MITD1: variants seen among roughly 807,000 people sequenced by gnomAD.
MITD1 encodes the protein microtubule interacting and trafficking domain containing 1.
MITD1 carries 24 observed loss-of-function variants against 34.9 expected under a neutral mutation model. That is an observed-to-expected ratio of 0.69 (90% CI 0.50 to 0.97). MITD1 has a LOEUF of 0.97. Ranked by LOEUF, MITD1 falls within the 50% of genes least tolerant of loss-of-function variation. The pLI, the probability that MITD1 is intolerant of heterozygous loss-of-function variation, is 0.00. For missense variants in MITD1, 266 were observed against 294.6 expected (o/e 0.90, Z 0.71); for synonymous variants, 102 against 101.4 (o/e 1.01, Z -0.04).
intron 5 of MITD1, 33 bp downstream of exon 5, chr2:99,170,504 T>G (rs374165760): frequency 1.3e-5 from 11 of 866,046 alleles, no homozygotes; most frequent in African/African-American, 1.7e-5. Flanking sequence ...ATATATCAAC[T>G]GCATAAAAAT....
chr2:99,167,292 G>C (rs2093831600), downstream of MITD1, among the ~76,000 whole-genome samples: 2 of 152,028 alleles, frequency 1.3e-5, no homozygotes, highest in South Asian at 4.1e-4. Flanking sequence ...TCCCATTCAG[G>C]AATACAATTT....
At chr2:99,176,649 T>G (rs2093888751) in intron 1 of MITD1, among the ~76,000 whole-genome samples, 1 of 151,370 alleles carries the variant, frequency 6.6e-6, no homozygotes, top group Admixed American at 6.6e-5. Context: ...TCTTAAAACA[T>G]TATGAGGGGT....
chr2:99,171,798 T>C (rs1157101810), intron 2 of MITD1, 152 bp from the exon 3 acceptor site: 2 of 701,362 alleles, frequency 2.9e-6, no homozygotes, highest in East Asian at 5.5e-5. Flanking sequence ...AAATATCATA[T>C]ACATTGCAGG....
At chr2:99,176,101 T>C (rs1370901500) in intron 1 of MITD1, among the ~76,000 whole-genome samples, 1 of 152,106 alleles carries the variant, frequency 6.6e-6, no homozygotes, top group South Asian at 2.1e-4. Flanking sequence ...TTACTATGCC[T>C]GGCTAGTTTT....
At chr2:99,163,694 GC>G (rs2093813514) in intron 7 of MITD1, among the ~76,000 whole-genome samples, 1 of 151,882 alleles carries the variant, frequency 6.6e-6, no homozygotes, top group African/African-American at 2.4e-5. Flanking sequence ...CTCTCTTGGG[GC>G]TATATATAAT....
Position 99,171,563 on chromosome 2 carries a change from C to T in MITD1, c.337G>A (p.Glu113Lys). 6.2e-7 allele frequency: 1 copy of T among 1,612,584 alleles called. No individual in the cohort carries two copies. Residue 113 changes from glutamate (E) to lysine (K), a missense_variant, in exon 3 of 7, where the codon GAG (glutamate) becomes AAG (lysine). By Grantham distance (56) the Glu-to-Lys change is moderately conservative (BLOSUM62 1). Transcript: ENST00000289359. ...TCTATCCAAACTTCTGTAACTGTCT[C>T]ATTAAGGTATTCGCGAAAAAGTGAC... ...YESLFREYLN[E>K]TVTEVWIEDP...
downstream of MITD1, among the ~76,000 whole-genome samples, chr2:99,166,673 A>G (rs1259662818): frequency 1.3e-5 from 2 of 151,608 alleles, no homozygotes; most frequent in African/African-American, 4.8e-5. Context: ...GTCACTGCTA[A>G]AAATCTGGCC....
In MITD1 at chr2:99,180,300, C is replaced by T. The variant is rs771780403; in HGVS notation, c.151+531G>A. Among the ~76,000 whole-genome samples, 126 of 152,296 alleles carry T rather than the reference C, an allele frequency of 8.3e-4. 2 individuals are homozygous for T. The highest frequency in any genetic ancestry group is 3.4e-3 in the Middle Eastern group (1 of 294). ...TATAATAAACACCCTTATTACCCATCACCGAAATTTTTAAAATTAGCATTT... is the reference window on the plus strand; with the variant it reads ...TATAATAAACACCCTTATTACCCATTACCGAAATTTTTAAAATTAGCATTT... On this transcript the variant is annotated intron_variant, in intron 1 of 6. Transcript: ENST00000289359.
chr2:99,169,697 T>C, intron 5 of MITD1, 87 bp from the exon 6 acceptor site: 1 of 1,118,600 alleles, frequency 8.9e-7, no homozygotes, highest in South Asian at 1.4e-5. Flanking sequence ...TCAGCAAAAT[T>C]TCCCCCTAAC....
At chr2:99,168,805 G>A (rs1179954741), downstream of MITD1, among the ~76,000 whole-genome samples, 2 of 151,616 alleles carry the variant, frequency 1.3e-5, no homozygotes, top group Non-Finnish European at 2.9e-5. Flanking sequence ...TTTGAGACAG[G>A]GTCTGGCTCT....
chr2:99,161,677 GA>G (rs140517012), downstream of MITD1: 13,438 of 240,628 alleles, frequency 0.056, 783 homozygotes, highest in East Asian at 0.21. Context: ...GTCTGTAAGA[GA>G]AAAAAAAAAG....
chr2:99,170,644 C>T lies in MITD1; in HGVS notation c.486G>A (p.Glu162=), dbSNP rs140322801. The change falls in exon 5 of 7, where the codon GAG becomes GAA. Residue 162 remains glutamate (E), a synonymous_variant. Coordinates refer to ENST00000289359, the MANE Select transcript of MITD1 (RefSeq NM_138798.3). ...GCAGGCCTCTACTTTGCTGCACTTG[C>T]TCAATGCCCTGTTAATAGCAAAAAT... ...HLLTSLDEGI[E]QVQQSRGLQE... is the part of the protein sequence containing the mutation. 9 of 1,554,048 alleles carry T rather than the reference C, an allele frequency of 5.8e-6. No individual in the cohort carries two copies. The African/African-American group carries it at 1.2e-4, about 21-fold the overall frequency.
chr2:99,162,699 A>G, intron 7 of MITD1: 9 of 1,614,210 alleles, frequency 5.6e-6, no homozygotes, highest in Non-Finnish European at 7.6e-6. Context: ...CATTCACCTA[A>G]TAAACCCAAC....
At chr2:99,161,829 A>C (rs1401788542), downstream of MITD1, 2 of 743,546 alleles carry the variant, frequency 2.7e-6, no homozygotes, top group Admixed American at 6.1e-5. Context: ...TTGTAAAGCT[A>C]AAAGCCAAAA....
intron 1 of MITD1, among the ~76,000 whole-genome samples, chr2:99,179,729 A>AC (rs1375261320): frequency 3.9e-5 from 6 of 151,980 alleles, no homozygotes; most frequent in African/African-American, 1.4e-4. Flanking sequence ...TGCCCGGCTA[A>AC]TTTTTGTATT....
intron 2 of MITD1, 38 bp from the exon 3 acceptor site, chr2:99,171,684 AT>A (rs372456258): frequency 3.4e-3 from 4,779 of 1,409,364 alleles, no homozygotes; most frequent in South Asian, 5.0e-3. Context: ...ACCAGTGACC[AT>A]TTTTTTTTTA....
At chr2:99,169,990 C>T (rs1574825000) in intron 5 of MITD1, among the ~76,000 whole-genome samples, 1 of 152,282 alleles carries the variant, frequency 6.6e-6, no homozygotes, top group Admixed American at 6.5e-5. Flanking sequence ...ACTACAGCAG[C>T]TGCATTTTCA....
In MITD1 at chr2:99,169,340, T is replaced by TA. The variant is rs750632094; in HGVS notation, c.*34dup. The stretch of plus-strand genomic sequence containing the variant: ...TTTTAAAAAAAATCCAATATTCACT[T>TA]AAAGTAGACATAATACAAATTAGGC... On this transcript the variant is annotated 3_prime_UTR_variant, in exon 7 of 7. Transcript: ENST00000289359. 1.8e-6 allele frequency: 2 copies of TA among 1,082,192 alleles called. No individual in the cohort carries two copies. Among genetic ancestry groups the TA allele is most frequent in the African/African-American group, 3.2e-5 (2 of 62,844 alleles). The allele number at this position is 1,082,192 out of a possible 1,614,324, so 67.0% of individuals were successfully genotyped here.
downstream of MITD1, among the ~76,000 whole-genome samples, chr2:99,166,555 G>A (rs2105208336): frequency 6.6e-6 from 1 of 150,720 alleles, no homozygotes; most frequent in East Asian, 2.0e-4. Context: ...GAAAAAATAG[G>A]GTGGCATCTG....
Sources: gnomAD v4.1 joint callset for allele counts (sites outside exome capture counted in the v4.1 genomes callset) on GRCh38, gnomAD v4.1.1 for gene constraint, MANE v1.5 for transcripts, NCBI Gene and HGNC (gene_info 2026-07-23, HGNC 2026-07-21) for gene names.